The following EPHA5 variants were observed in gnomAD, a reference collection of about 807,000 sequenced individuals.
EPHA5 encodes the protein EPH receptor A5, also known as ephrin type-A receptor 5.
EPHA5 carries 60 observed loss-of-function variants against 105.0 expected under a neutral mutation model. That is an observed-to-expected ratio of 0.57 (90% CI 0.46 to 0.71). The LOEUF (loss-of-function observed/expected upper bound fraction) is 0.71. Among genes scored for constraint, EPHA5 ranks in the 30% least tolerant of loss-of-function variants. The probability of loss-of-function intolerance (pLI) is 0.00; values close to 1 mark genes in which losing one functional copy is unlikely to be tolerated. For missense variants in EPHA5, 1,218 were observed against 1,274.7 expected, an observed-to-expected ratio of 0.96 and a Z score of 0.68; for synonymous variants, 513 against 449.1, an observed-to-expected ratio of 1.14 and a Z score of -1.80.
At chr4:65,585,291 G>A (rs1190803507) in intron 3 of EPHA5, among the ~76,000 whole-genome samples, 2 of 151,870 alleles carry the variant, frequency 1.3e-5, no homozygotes, top group African/African-American at 4.8e-5. Flanking sequence ...GAAATGGGGT[G>A]TAAGTAGAAG....
chr4:65,428,525 C>G (rs944533972), intron 5 of EPHA5, among the ~76,000 whole-genome samples: 1 of 152,058 alleles, frequency 6.6e-6, no homozygotes, highest in Admixed American at 6.5e-5. Flanking sequence ...ATCTTAAAAG[C>G]CTGCAACTGG....
At chr4:65,526,332 T>A (rs1379854665) in intron 3 of EPHA5, among the ~76,000 whole-genome samples, 2 of 151,870 alleles carry the variant, frequency 1.3e-5, no homozygotes, top group African/African-American at 4.8e-5. Flanking sequence ...GTTCAAGGTC[T>A]AGAATCCTTT....
chr4:65,551,167 A>G (rs1359533993), intron 3 of EPHA5, among the ~76,000 whole-genome samples: 1 of 91,302 alleles, frequency 1.1e-5, no homozygotes, highest in African/African-American at 4.6e-5. Context: ...TATTATCCAA[A>G]CATAAGTAGG....
At chr4:65,527,513 A>T (rs1735353369) in intron 3 of EPHA5, among the ~76,000 whole-genome samples, 1 of 152,128 alleles carries the variant, frequency 6.6e-6, no homozygotes, top group Non-Finnish European at 1.5e-5. Context: ...TAAGAAGTAG[A>T]GTCTCTACTT....
At chr4:65,579,507 C>T (rs1029950041) in intron 3 of EPHA5, among the ~76,000 whole-genome samples, 2 of 151,126 alleles carry the variant, frequency 1.3e-5, no homozygotes, top group South Asian at 2.1e-4. Context: ...GCATTTGGAA[C>T]GTTTTGCTAT....
At chr4:65,522,211 G>A (rs1415208943) in intron 3 of EPHA5, among the ~76,000 whole-genome samples, 2 of 151,412 alleles carry the variant, frequency 1.3e-5, no homozygotes, top group African/African-American at 4.9e-5. Context: ...AATTCCTTAA[G>A]ATTACAAGAT....
intron 3 of EPHA5, among the ~76,000 whole-genome samples, chr4:65,562,482 A>C (rs1431776498): frequency 6.6e-6 from 1 of 152,064 alleles, no homozygotes; most frequent in Non-Finnish European, 1.5e-5. Flanking sequence ...CTAAATTTTA[A>C]ATTGACATAA....
At position 65,532,905 on chromosome 4, in the gene EPHA5, C is replaced by A. The variant is rs181527839; in HGVS notation, c.911-37362G>T. ...AAACAGTTATTTGTCATACACAGTTCATTCGCTCCAATTTTCAATTGTCTT... is the reference window on the plus strand; with the variant it reads ...AAACAGTTATTTGTCATACACAGTTAATTCGCTCCAATTTTCAATTGTCTT... On this transcript the variant is annotated intron_variant, in intron 3 of 16. Coordinates refer to ENST00000613740, the MANE Select transcript of EPHA5 (RefSeq NM_001281766.3). 3.8e-3 allele frequency among the ~76,000 whole-genome samples: 585 copies of A among 152,188 alleles called. 1 individual carries two copies. Among genetic ancestry groups the A allele is most frequent in the Admixed American group, 7.7e-3 (118 of 15,268 alleles).
chr4:65,574,320 G>T, intron 3 of EPHA5: 3 of 1,514,328 alleles, frequency 2.0e-6, no homozygotes, highest in Non-Finnish European at 1.8e-6. Context: ...TCACAAATTG[G>T]TGTTCTAAAT....
intron 8 of EPHA5, 30 bp from the exon 9 acceptor site, chr4:65,367,454 A>T (rs766496465): frequency 6.2e-7 from 1 of 1,604,238 alleles, no homozygotes; most frequent in Non-Finnish European, 8.5e-7. Flanking sequence ...AATTAGCCAC[A>T]TCTGAAAGTG....
At position 65,340,744 on chromosome 4, in the gene EPHA5, T is replaced by G. The variant is rs958322509; in HGVS notation, c.2596-4619A>C. ...GTTTTCTGAACCTATGCGAAGTAAGTGTGTCATGGCAAGAGAATAGAGCAT... is the reference window on the plus strand; with the variant it reads ...GTTTTCTGAACCTATGCGAAGTAAGGGTGTCATGGCAAGAGAATAGAGCAT... On this transcript the variant is annotated intron_variant, in intron 14 of 16. Transcript: ENST00000613740. Among the ~76,000 whole-genome samples, 3 of 152,226 alleles carry G rather than the reference T, an allele frequency of 2.0e-5. No homozygotes were observed. The East Asian group carries it at 5.8e-4, about 29-fold the overall frequency.
chr4:65,404,403 T>A lies in EPHA5; in HGVS notation c.1764A>T (p.Ala588=), dbSNP rs1401981979. ...CACTGAGGAGGACGCCGATAACCAC[T>A]GCCAACAAAATGACTCCCACTGTCA... is the stretch of plus-strand genomic sequence containing the variant. The part of the protein sequence containing the change: ...VSVTVGVILL[A]VVIGVLLSGR... Residue 588 remains alanine, a synonymous_variant, in exon 8 of 17, where the codon GCA becomes GCT. Transcript: ENST00000613740. 1 of 1,613,712 alleles carries A rather than the reference T, an allele frequency of 6.2e-7. No individual in the cohort carries two copies. The highest frequency in any genetic ancestry group is 8.5e-7 in the Non-Finnish European group (1 of 1,179,758).
chr4:65,657,898 C>CAAAA (rs58539913), intron 1 of EPHA5, among the ~76,000 whole-genome samples: 1 of 117,472 alleles, frequency 8.5e-6, no homozygotes, highest in Non-Finnish European at 1.8e-5. Flanking sequence ...TTGGTATATG[C>CAAAA]AAAAAAAAAA....
At chr4:65,593,090 C>T (rs1742832907) in intron 3 of EPHA5, among the ~76,000 whole-genome samples, 1 of 152,052 alleles carries the variant, frequency 6.6e-6, no homozygotes, top group Non-Finnish European at 1.5e-5. Context: ...GACTTTTCCT[C>T]TAATTTGCTA....
intron 1 of EPHA5, among the ~76,000 whole-genome samples, chr4:65,644,344 A>T (rs944686954): frequency 6.6e-6 from 1 of 152,050 alleles, no homozygotes; most frequent in Non-Finnish European, 1.5e-5. Context: ...ATCACAGATC[A>T]TTATTTTTCC....
chr4:65,588,851 C>A (rs1237894486), intron 3 of EPHA5, among the ~76,000 whole-genome samples: 1 of 152,012 alleles, frequency 6.6e-6, no homozygotes, highest in Non-Finnish European at 1.5e-5. Flanking sequence ...TTCCAGTGCT[C>A]CAATGGCCAG....
At chr4:65,526,882 AG>A (rs2149292446) in intron 3 of EPHA5, among the ~76,000 whole-genome samples, 2 of 152,114 alleles carry the variant, frequency 1.3e-5, no homozygotes, top group East Asian at 3.9e-4. Flanking sequence ...AATTGATCTT[AG>A]TGATAAATTT....
chr4:65,352,232 CAG>C (rs1277953289), intron 12 of EPHA5, among the ~76,000 whole-genome samples: 1 of 151,942 alleles, frequency 6.6e-6, no homozygotes, highest in Non-Finnish European at 1.5e-5. Context: ...AATAATTTGG[CAG>C]AGTCTGGCAG....
At chr4:65,437,529 A>C (rs928238901) in intron 5 of EPHA5, among the ~76,000 whole-genome samples, 1 of 151,930 alleles carries the variant, frequency 6.6e-6, no homozygotes, top group Non-Finnish European at 1.5e-5. Context: ...TCTTAGAATG[A>C]TCAAGAAATA....
Sources: gnomAD v4.1 joint callset for allele counts (sites outside exome capture counted in the v4.1 genomes callset) on GRCh38, gnomAD v4.1.1 for gene constraint, MANE v1.5 for transcripts, NCBI Gene and HGNC (gene_info 2026-07-23, HGNC 2026-07-21) for gene names.